OLFM3: variants seen among roughly 807,000 people sequenced by gnomAD.
The protein encoded by OLFM3 is noelin-3.
A neutral mutation model predicts 48.6 loss-of-function variants in OLFM3; 20 were observed. The observed-to-expected ratio is 0.41, with a 90% CI of 0.29 to 0.60. The LOEUF is 0.60. Ranked by LOEUF, OLFM3 falls within the 20% of genes least tolerant of loss-of-function variation. The probability of loss-of-function intolerance (pLI) is 0.28; values close to 1 mark genes in which losing one functional copy is unlikely to be tolerated. For synonymous variants in OLFM3, 222 were observed against 198.1 expected (o/e 1.12, Z -1.01); for missense variants, 437 against 544.3 (o/e 0.80, Z 1.96).
intron 1 of OLFM3, among the ~76,000 whole-genome samples, chr1:101,860,328 T>G (rs1403627092): frequency 6.6e-6 from 1 of 152,118 alleles, no homozygotes; most frequent in Non-Finnish European, 1.5e-5. Flanking sequence ...AATCTTATCC[T>G]TGTTGTGAGG....
chr1:101,963,572 T>C (rs1173791168), intron 1 of OLFM3, among the ~76,000 whole-genome samples: 2 of 152,122 alleles, frequency 1.3e-5, no homozygotes, highest in East Asian at 1.9e-4. Context: ...TCTCCATCAT[T>C]TTTGTTTCTT....
At position 101,804,589 on chromosome 1, in the gene OLFM3, A is replaced by G. The variant is rs754144794; in HGVS notation, c.1026T>C (p.Thr342=). The G allele has an allele frequency of 2.0e-5, 32 of 1,612,434 alleles. No individual in the cohort carries two copies. The East Asian group carries it at 6.7e-4, about 34-fold the overall frequency. ...DEIGLWAVYA[T]NQNAGNIVIS... is the part of the protein sequence containing the mutation. ...TGACAATATTGCCTGCATTCTGGTT[A>G]GTTGCATACACAGCCCACAGCCCGA... The change falls in exon 6 of 6, where the codon ACT becomes ACC. Residue 342 remains threonine (T), a synonymous_variant. Transcript: ENST00000370103. The surrounding 1 kb of genome is among the most constrained non-coding windows in gnomAD (Gnocchi z 4.5).
intron 1 of OLFM3, among the ~76,000 whole-genome samples, chr1:101,957,842 A>G (rs1486591649): frequency 5.3e-5 from 8 of 152,064 alleles, no homozygotes; most frequent in Admixed American, 2.6e-4. Flanking sequence ...GAAATTAGAG[A>G]AACTGTAGAC....
intron 1 of OLFM3, among the ~76,000 whole-genome samples, chr1:101,978,849 A>G (rs552557263): frequency 5.2e-4 from 79 of 152,234 alleles, no homozygotes; most frequent in African/African-American, 1.8e-3. Flanking sequence ...CTTTAGTCAC[A>G]TAATACTAAA....
intron 1 of OLFM3, among the ~76,000 whole-genome samples, chr1:101,939,900 C>T (rs528142051): frequency 6.6e-6 from 1 of 152,260 alleles, no homozygotes; most frequent in African/African-American, 2.4e-5. Flanking sequence ...CCTCTACCCA[C>T]ACAGTGCTTA....
At chr1:101,879,854 C>T (rs1657448393) in intron 1 of OLFM3, among the ~76,000 whole-genome samples, 1 of 151,678 alleles carries the variant, frequency 6.6e-6, no homozygotes, top group Non-Finnish European at 1.5e-5. Flanking sequence ...AAATAACACC[C>T]TAAAATAAAG....
chr1:101,911,274 A>G (rs1012256546), intron 1 of OLFM3, among the ~76,000 whole-genome samples: 1 of 152,210 alleles, frequency 6.6e-6, no homozygotes, highest in Non-Finnish European at 1.5e-5. Flanking sequence ...GCAGAATATT[A>G]AAATGAGATT....
Position 101,951,591 on chromosome 1 carries a change from A to G in OLFM3, c.69+45157T>C, listed in dbSNP as rs190603555. Among the ~76,000 whole-genome samples, 321 of 152,200 alleles carry G rather than the reference A, an allele frequency of 2.1e-3. 1 individual carries two copies. The highest frequency in any genetic ancestry group is 7.4e-3 in the African/African-American group (309 of 41,548). On this transcript the variant is annotated intron_variant, in intron 1 of 5. Coordinates refer to ENST00000370103, the MANE Select transcript of OLFM3 (RefSeq NM_058170.4). ...TCTTAGGTTCTATTTTTTCCCTAAT[A>G]CTTAGTCATTTTCTGTAGCCATTTA...
chr1:101,867,600 G>A (rs558504901), intron 1 of OLFM3, among the ~76,000 whole-genome samples: 1 of 152,276 alleles, frequency 6.6e-6, no homozygotes, highest in African/African-American at 2.4e-5. Context: ...CATTAGGTCA[G>A]AATAACTCAG....
intron 1 of OLFM3, among the ~76,000 whole-genome samples, chr1:101,888,285 C>T (rs975319383): frequency 1.3e-5 from 2 of 152,112 alleles, no homozygotes; most frequent in Non-Finnish European, 2.9e-5. Flanking sequence ...CAGCATGGTA[C>T]TGGTACCAAA....
At chr1:101,924,694 C>T (rs1659211319) in intron 1 of OLFM3, among the ~76,000 whole-genome samples, 1 of 152,172 alleles carries the variant, frequency 6.6e-6, no homozygotes, top group South Asian at 2.1e-4. Flanking sequence ...TCTTGGGTCT[C>T]TCAATTTAAT....
Position 101,890,193 on chromosome 1 carries a change from T to C in OLFM3, c.70-53168A>G, listed in dbSNP as rs372221850. Reference sequence around the variant, plus strand: ...TAATGATCTTGGAAAATATGATAATTGTTCATGTTAAAATTATGTCTTTCA... The same window carrying C: ...TAATGATCTTGGAAAATATGATAATCGTTCATGTTAAAATTATGTCTTTCA... On this transcript the variant is annotated intron_variant, in intron 1 of 5. Coordinates refer to ENST00000370103, the MANE Select transcript of OLFM3 (RefSeq NM_058170.4). Among the ~76,000 whole-genome samples, 24 of 152,170 alleles carry C rather than the reference T, an allele frequency of 1.6e-4. 1 individual carries two copies. The highest frequency in any genetic ancestry group is 5.8e-4 in the African/African-American group (24 of 41,558).
At chr1:101,897,899 C>T (rs1658258442) in intron 1 of OLFM3, among the ~76,000 whole-genome samples, 1 of 152,056 alleles carries the variant, frequency 6.6e-6, no homozygotes. Context: ...AACAAAAACA[C>T]TTCCTTTTTC....
intron 1 of OLFM3, among the ~76,000 whole-genome samples, chr1:101,945,273 G>A (rs1312492972): frequency 6.6e-6 from 1 of 152,098 alleles, no homozygotes; most frequent in Non-Finnish European, 1.5e-5. Context: ...CTATCAAAAG[G>A]TGAATGAATA....
At chr1:101,966,322 T>C (rs1004435193) in intron 1 of OLFM3, among the ~76,000 whole-genome samples, 22 of 132,940 alleles carry the variant, frequency 1.7e-4, no homozygotes, top group East Asian at 8.0e-4. Context: ...CTAATTTGTG[T>C]GTGTGTGTGT....
At chr1:101,878,362 G>C (rs969830935) in intron 1 of OLFM3, among the ~76,000 whole-genome samples, 4 of 151,904 alleles carry the variant, frequency 2.6e-5, no homozygotes, top group African/African-American at 9.7e-5. Flanking sequence ...ATCAGTGCCA[G>C]AGGAAGCAGA....
intron 4 of OLFM3, among the ~76,000 whole-genome samples, chr1:101,812,084 G>A (rs1654083159): frequency 6.6e-6 from 1 of 151,164 alleles, no homozygotes; most frequent in Non-Finnish European, 1.5e-5. Flanking sequence ...CTATCACAAG[G>A]ACAAAAAACC....
rs185408740 is a variant in OLFM3, at chr1:101,925,860, T to C, written c.69+70888A>G. On this transcript the variant is annotated intron_variant, in intron 1 of 5. Coordinates refer to ENST00000370103, the MANE Select transcript of OLFM3 (RefSeq NM_058170.4). ...CTGTAGTCTATACTAAACTGCAGGC[T>C]TCTGTAGGACGTTGACATACCTTAT... Among the ~76,000 whole-genome samples the C allele has an allele frequency of 8.1e-4, 124 of 152,238 alleles. 1 individual carries two copies. Among genetic ancestry groups the C allele is most frequent in the South Asian group, 3.5e-3 (17 of 4,820 alleles).
chr1:101,821,771 T>A (rs577703855), intron 4 of OLFM3, among the ~76,000 whole-genome samples: 56 of 152,272 alleles, frequency 3.7e-4, no homozygotes, highest in African/African-American at 1.3e-3. Context: ...TATAAAGTCA[T>A]CTCGATTAAC....
Sources: gnomAD v4.1 joint callset for allele counts (sites outside exome capture counted in the v4.1 genomes callset) on GRCh38, gnomAD v4.1.1 for gene constraint, Gnocchi (gnomAD v3.1) non-coding constraint, MANE v1.5 for transcripts, NCBI Gene and HGNC (gene_info 2026-07-23, HGNC 2026-07-21) for gene names.